The following NXPE2 variants were observed in gnomAD, a reference collection of about 807,000 sequenced individuals.
NXPE2 encodes neurexophilin and PC-esterase domain family member 2.
Under a neutral mutation model 34.4 loss-of-function variants are expected in NXPE2, and 34 were observed. The observed-to-expected ratio is 0.99, with a 90% CI of 0.75 to 1.31. The LOEUF (loss-of-function observed/expected upper bound fraction) is 1.31. NXPE2 is among the 40% of genes most tolerant of loss of function. The pLI is 0.00. For missense variants in NXPE2, 649 were observed against 672.5 expected, an observed-to-expected ratio of 0.97 and a Z score of 0.39; for synonymous variants, 235 against 231.3, an observed-to-expected ratio of 1.02 and a Z score of -0.15.
the NXPE2 span, among the ~76,000 whole-genome samples, chr11:114,577,427 A>C: frequency 6.6e-6 from 1 of 152,172 alleles, no homozygotes; most frequent in Admixed American, 6.5e-5. Flanking sequence ...GAGGGATAAA[A>C]GACTATACAT....
intron 1 of NXPE2, among the ~76,000 whole-genome samples, chr11:114,678,850 A>ATGTG (rs137967033): frequency 6.7e-6 from 1 of 148,660 alleles, no homozygotes; most frequent in Non-Finnish European, 1.5e-5. Context: ...TGGGGCGTGT[A>ATGTG]TGTGTGTGTG....
At chr11:114,521,926 T>C in the NXPE2 span, 4 of 1,385,448 alleles carry the variant, frequency 2.9e-6, no homozygotes, top group Non-Finnish European at 4.0e-6. Flanking sequence ...TGGGATTATG[T>C]GCAGAGATTG....
chr11:114,633,299 G>T, the NXPE2 span, among the ~76,000 whole-genome samples: 1 of 136,532 alleles, frequency 7.3e-6, no homozygotes. Flanking sequence ...AAATTCTAAT[G>T]TAATAAAATA....
the NXPE2 span, among the ~76,000 whole-genome samples, chr11:114,806,338 A>G: frequency 1.3e-5 from 2 of 152,252 alleles, no homozygotes; most frequent in South Asian, 4.1e-4. Flanking sequence ...GAACAAAGCT[A>G]GACAGAGAAT....
chr11:114,506,397 G>C, the NXPE2 span, among the ~76,000 whole-genome samples: 12 of 152,070 alleles, frequency 7.9e-5, no homozygotes, highest in Non-Finnish European at 1.6e-4. Context: ...AGATATTTAT[G>C]TAACTCTCCA....
the NXPE2 span, among the ~76,000 whole-genome samples, chr11:114,596,971 ATTCCT>A: frequency 1.3e-5 from 2 of 152,212 alleles, no homozygotes; most frequent in African/African-American, 4.8e-5. Context: ...TGAATCCAAG[ATTCCT>A]TTCATTTTGA....
At chr11:114,651,344 G>C in the NXPE2 span, among the ~76,000 whole-genome samples, 5 of 151,568 alleles carry the variant, frequency 3.3e-5, no homozygotes, top group African/African-American at 1.2e-4. Flanking sequence ...AAGGTGGCAC[G>C]TCCGGAGTTG....
the NXPE2 span, among the ~76,000 whole-genome samples, chr11:114,533,212 C>A: frequency 6.6e-6 from 1 of 152,088 alleles, no homozygotes; most frequent in African/African-American, 2.4e-5. Flanking sequence ...CCAGAGTTAG[C>A]AAATTATTAG....
At chr11:114,763,929 AGT>A in the NXPE2 span, among the ~76,000 whole-genome samples, 6 of 152,140 alleles carry the variant, frequency 3.9e-5, no homozygotes, top group Admixed American at 2.6e-4. Context: ...ACATCTGAAA[AGT>A]GTCATTTTTT....
At chr11:114,595,220 A>C in the NXPE2 span, among the ~76,000 whole-genome samples, 1 of 152,120 alleles carries the variant, frequency 6.6e-6, no homozygotes, top group South Asian at 2.1e-4. Flanking sequence ...ATTAATGCCA[A>C]TCTATTAATA....
chr11:114,637,960 A>C, the NXPE2 span, among the ~76,000 whole-genome samples: 3 of 151,604 alleles, frequency 2.0e-5, no homozygotes, highest in Non-Finnish European at 4.4e-5. Context: ...GCTCTTCTCG[A>C]GGAGTATCTT....
At chr11:114,786,784 C>CACAG in the NXPE2 span, among the ~76,000 whole-genome samples, 1 of 151,414 alleles carries the variant, frequency 6.6e-6, no homozygotes, top group Non-Finnish European at 1.5e-5. Flanking sequence ...AGCTGCCCCA[C>CACAG]ACAGACAGCC....
At chr11:114,758,140 G>C in the NXPE2 span, among the ~76,000 whole-genome samples, 1 of 151,314 alleles carries the variant, frequency 6.6e-6, no homozygotes, top group Admixed American at 6.6e-5. Context: ...GTTGGTGCTG[G>C]AGTTGTTCAC....
At chr11:114,793,576 C>T in the NXPE2 span, among the ~76,000 whole-genome samples, 2 of 152,198 alleles carry the variant, frequency 1.3e-5, no homozygotes, top group East Asian at 1.9e-4. Context: ...TGGCCTTCTG[C>T]GATGGGAAGC....
the NXPE2 span, among the ~76,000 whole-genome samples, chr11:114,492,602 G>A: frequency 1.3e-5 from 2 of 150,924 alleles, no homozygotes; most frequent in East Asian, 3.9e-4. Flanking sequence ...GCAGTGGCAC[G>A]ATCTCGGCTC....
chr11:114,682,861 T>C (rs1950972545), intron 2 of NXPE2, among the ~76,000 whole-genome samples: 1 of 151,618 alleles, frequency 6.6e-6, no homozygotes, highest in Non-Finnish European at 1.5e-5. Flanking sequence ...AAAAAAAAAC[T>C]TATAGGAACT....
the NXPE2 span, among the ~76,000 whole-genome samples, chr11:114,635,142 A>G: frequency 6.6e-6 from 1 of 150,550 alleles, no homozygotes; most frequent in Non-Finnish European, 1.5e-5. Flanking sequence ...TATTTCCTTG[A>G]GCAGTGGTTT....
At chr11:114,608,368 A>G in the NXPE2 span, among the ~76,000 whole-genome samples, 1 of 149,690 alleles carries the variant, frequency 6.7e-6, no homozygotes, top group African/African-American at 2.5e-5. Flanking sequence ...AACTCTTACC[A>G]TGTGGATAAT....
chr11:114,665,491 G>T, the NXPE2 span, among the ~76,000 whole-genome samples: 2 of 152,142 alleles, frequency 1.3e-5, no homozygotes, highest in African/African-American at 4.8e-5. Flanking sequence ...TAAAAAGGAA[G>T]GAGTTTGAAA....
Sources: gnomAD v4.1 joint callset for allele counts (sites outside exome capture counted in the v4.1 genomes callset) on GRCh38, gnomAD v4.1.1 for gene constraint, MANE v1.5 for transcripts, NCBI Gene and HGNC (gene_info 2026-07-23, HGNC 2026-07-21) for gene names.